The following CUX1 variants were observed in gnomAD, a reference collection of about 807,000 sequenced individuals.
CUX1 encodes cut like homeobox 1, also known as protein CASP.
Under a neutral mutation model 158.8 loss-of-function variants are expected in CUX1, and 31 were observed. That is an observed-to-expected ratio of 0.20 (90% CI 0.15 to 0.26). CUX1 has a LOEUF of 0.26. Ranked by LOEUF, CUX1 falls within the 10% of genes least tolerant of loss-of-function variation. The probability of loss-of-function intolerance (pLI) is 1.00; values close to 1 mark genes in which losing one functional copy is unlikely to be tolerated. For synonymous variants in CUX1, 879 were observed against 862.1 expected (o/e 1.02, Z -0.34); for missense variants, 1,589 against 2,014.6 (o/e 0.79, Z 4.04).
intron 2 of CUX1, among the ~76,000 whole-genome samples, chr7:101,942,133 T>C (rs1807792881): frequency 6.6e-6 from 1 of 152,166 alleles, no homozygotes; most frequent in African/African-American, 2.4e-5. Flanking sequence ...TTTAGGGTAC[T>C]GCAGGTTTAG....
chr7:102,084,315 T>G (rs1827737587), intron 4 of CUX1, among the ~76,000 whole-genome samples: 1 of 149,008 alleles, frequency 6.7e-6, no homozygotes, highest in Non-Finnish European at 1.5e-5. Context: ...TATGTAATGT[T>G]TATATAATAA....
chr7:101,917,931 TC>T (rs1804417061), intron 2 of CUX1, among the ~76,000 whole-genome samples: 1 of 152,230 alleles, frequency 6.6e-6, no homozygotes, highest in African/African-American at 2.4e-5. Flanking sequence ...GGTCAGGAGT[TC>T]AAGACCAGCC....
Position 102,257,757 on chromosome 7 carries a change from T to C in CUX1, c.*8715T>C. 2.0e-6 allele frequency: 2 copies of C among 985,166 alleles called. No homozygotes were observed. Among genetic ancestry groups the C allele is most frequent in the Non-Finnish European group, 2.4e-6 (2 of 829,884 alleles). 61.0% of individuals were successfully genotyped at this position (985,166 alleles called of 1,614,324 possible). A position where few individuals can be genotyped will look rare whatever the true frequency, so the allele number is the denominator to read the frequency against. On this transcript the variant is annotated 3_prime_UTR_variant, in exon 24 of 24. Transcript: ENST00000292535. ...TTTGTCACGTCTTACATTTTAGCAG[T>C]ATTTTATATTTTCTGTAACGCACCA...
intron 2 of CUX1, among the ~76,000 whole-genome samples, chr7:101,930,201 T>C (rs535146850): frequency 4.3e-4 from 66 of 152,378 alleles, no homozygotes; most frequent in Non-Finnish European, 7.8e-4. Context: ...AGATTTTTTT[T>C]AAAATTGCTT....
downstream of CUX1, among the ~76,000 whole-genome samples, chr7:102,262,814 G>A (rs1675143328): frequency 1.3e-5 from 2 of 152,098 alleles, no homozygotes; most frequent in South Asian, 2.1e-4. Flanking sequence ...GTATCCACTC[G>A]CCCGTGAGCT....
rs111438575 is a variant in CUX1, at chr7:102,070,629, T to A, written c.268+212T>A. On this transcript the variant is annotated intron_variant, in intron 4 of 23. Coordinates refer to ENST00000292535, the MANE Select transcript of CUX1 (RefSeq NM_181552.4). ...AAATTGGATGCACTTGTTGAAGTAC[T>A]CACGTAATCTCTAGGGGATGACTTC... 6.6e-5 allele frequency among the ~76,000 whole-genome samples: 10 copies of A among 152,302 alleles called. 1 individual carries two copies. The highest frequency in any genetic ancestry group is 2.0e-4 in the Admixed American group (3 of 15,296).
chr7:102,171,654 C>T (rs1468531402), intron 10 of CUX1, among the ~76,000 whole-genome samples: 1 of 152,034 alleles, frequency 6.6e-6, no homozygotes, highest in East Asian at 1.9e-4. Flanking sequence ...TGTCGCGTTG[C>T]CCAGGCTGGT....
chr7:102,170,416 TTC>T, intron 9 of CUX1, 28 bp from the exon 10 acceptor site: 1 of 1,461,006 alleles, frequency 6.8e-7, no homozygotes. Flanking sequence ...TGAATGTACT[TTC>T]TCTTTCACCC....
rs1449057997 is a variant in CUX1 at position 102,256,380 on chromosome 7, A to G, written c.*7338A>G. ...GTTAATCATTTAAGTACTTATCAGG[A>G]GTGTATTGTTATTTTGTGTTTTGTT... On this transcript the variant is annotated 3_prime_UTR_variant, in exon 24 of 24. Transcript: ENST00000292535. The G allele has an allele frequency of 5.1e-6, 5 of 984,938 alleles. No individual in the cohort carries two copies. Among genetic ancestry groups the G allele is most frequent in the African/African-American group, 1.7e-5 (1 of 57,144 alleles). The allele number at this position is 984,938 out of a possible 1,614,324, so 61.0% of individuals were successfully genotyped here.
At chr7:102,065,775 A>T (rs1419765497) in intron 3 of CUX1, among the ~76,000 whole-genome samples, 1 of 151,434 alleles carries the variant, frequency 6.6e-6, no homozygotes, top group Non-Finnish European at 1.5e-5. Context: ...AATGACATGG[A>T]TACACGTGGA....
At chr7:101,921,623 G>C (rs1164016242) in intron 2 of CUX1, among the ~76,000 whole-genome samples, 1 of 151,896 alleles carries the variant, frequency 6.6e-6, no homozygotes, top group Non-Finnish European at 1.5e-5. Flanking sequence ...ACCATGCCCG[G>C]CTAATTTTTT....
upstream of CUX1, chr7:101,816,984 C>G (rs1791895875): frequency 1.0e-6 from 1 of 984,052 alleles, no homozygotes; most frequent in Non-Finnish European, 1.2e-6. Context: ...GCGGCCGCCG[C>G]GCTCTTTTGT....
intron 1 of CUX1, among the ~76,000 whole-genome samples, chr7:101,857,149 GGT>G (rs1796940511): frequency 6.6e-6 from 1 of 152,268 alleles, no homozygotes; most frequent in East Asian, 1.9e-4. Context: ...TACCCCGCCC[GGT>G]GTTAGCGTCA....
In CUX1 at chr7:102,111,558, C is replaced by T. The variant is rs1054716862; in HGVS notation, c.531-140C>T. 25 of 703,862 alleles carry T rather than the reference C, an allele frequency of 3.6e-5. 1 individual carries two copies. The Middle Eastern group carries it at 1.0e-3, about 29-fold the overall frequency. 43.6% of individuals were successfully genotyped at this position (703,862 alleles called of 1,614,324 possible). A position where few individuals can be genotyped will look rare whatever the true frequency, so the allele number is the denominator to read the frequency against. On this transcript the variant is annotated intron_variant, in intron 6 of 23. Coordinates refer to ENST00000292535, the MANE Select transcript of CUX1 (RefSeq NM_181552.4). Reference sequence around the variant, plus strand: ...CTGCGGGAGCGGGGCCCACGGCACACGTGTCGTTGCGGGCGATACCCCGTG... The same window carrying T: ...CTGCGGGAGCGGGGCCCACGGCACATGTGTCGTTGCGGGCGATACCCCGTG...
intron 1 of CUX1, among the ~76,000 whole-genome samples, chr7:101,895,099 C>A (rs746262925): frequency 1.3e-5 from 2 of 152,134 alleles, no homozygotes; most frequent in Non-Finnish European, 2.9e-5. Context: ...TGGCTCACTG[C>A]AACCTCTGCC....
At chr7:101,827,470 A>G (rs1793471840) in intron 1 of CUX1, among the ~76,000 whole-genome samples, 1 of 151,930 alleles carries the variant, frequency 6.6e-6, no homozygotes, top group Admixed American at 6.6e-5. Flanking sequence ...ATGCCTGGCT[A>G]ATTTTTAATT....
intron 1 of CUX1, among the ~76,000 whole-genome samples, chr7:101,860,731 TCCTC>T (rs1192712723): frequency 2.9e-5 from 4 of 139,456 alleles, no homozygotes; most frequent in Non-Finnish European, 6.2e-5. Context: ...TATCTCCCCT[TCCTC>T]CCTTCCTTCC....
At chr7:101,861,207 G>T (rs1016732528) in intron 1 of CUX1, among the ~76,000 whole-genome samples, 2 of 152,152 alleles carry the variant, frequency 1.3e-5, no homozygotes, top group African/African-American at 2.4e-5. Context: ...TCTGCTGGTC[G>T]CAGGAATTGG....
At chr7:101,934,557 C>T (rs1208572134) in intron 2 of CUX1, among the ~76,000 whole-genome samples, 1 of 152,182 alleles carries the variant, frequency 6.6e-6, no homozygotes, top group Non-Finnish European at 1.5e-5. Context: ...CAGCTCTCAG[C>T]CCCGAGCCTC....
Sources: gnomAD v4.1 joint callset for allele counts (sites outside exome capture counted in the v4.1 genomes callset) on GRCh38, gnomAD v4.1.1 for gene constraint, MANE v1.5 for transcripts, NCBI Gene and HGNC (gene_info 2026-07-23, HGNC 2026-07-21) for gene names.